DNAH6: variants seen among roughly 807,000 people sequenced by gnomAD.
The protein encoded by DNAH6 is dynein axonemal heavy chain 6.
In DNAH6, 340 loss-of-function variants were observed where a neutral mutation model predicts 491.4. That is an observed-to-expected ratio of 0.69 (90% CI 0.63 to 0.76). The LOEUF is 0.76. Ranked by LOEUF, DNAH6 falls within the 30% of genes least tolerant of loss-of-function variation. The pLI is 0.00. For missense variants in DNAH6, 4,443 were observed against 4,972.2 expected (o/e 0.89, Z 3.20); for synonymous variants, 1,603 against 1,686.1 (o/e 0.95, Z 1.21).
intron 42 of DNAH6, among the ~76,000 whole-genome samples, chr2:84,684,322 A>G (rs956868683): frequency 1.3e-5 from 2 of 152,108 alleles, no homozygotes; most frequent in African/African-American, 4.8e-5. Flanking sequence ...TTGCCTTTCT[A>G]TTCCTATTTT....
intron 12 of DNAH6, among the ~76,000 whole-genome samples, chr2:84,574,744 A>G (rs1682259202): frequency 1.3e-5 from 2 of 152,218 alleles, no homozygotes; most frequent in South Asian, 4.1e-4. Context: ...TCATGGCATC[A>G]CAGTGGCAGC....
At chr2:84,593,352 G>A (rs1684285364) in intron 16 of DNAH6, among the ~76,000 whole-genome samples, 1 of 152,148 alleles carries the variant, frequency 6.6e-6, no homozygotes, top group African/African-American at 2.4e-5. Context: ...TAATGTCAAA[G>A]CACAAGAATT....
In DNAH6 at chr2:84,707,603, G is replaced by A. The variant is rs752410510; in HGVS notation, c.8935G>A (p.Glu2979Lys). 8 of 1,552,214 alleles carry A rather than the reference G, an allele frequency of 5.2e-6. No individual in the cohort carries two copies. The South Asian group carries it at 5.9e-5, about 12-fold the overall frequency. The change falls in exon 54 of 77, where the codon GAA becomes AAA. Residue 2979 changes from glutamate (E) to lysine (K), a missense_variant. This residue lies in a region of DNAH6 where 1,463 missense variants were observed against 1,656.6 expected (regional missense o/e 0.88). Transcript: ENST00000389394. ...AALEDEQVRW[E>K]ESIQKFEEEI... ...ATTAGAAGATGAGCAGGTTCGATGG[G>A]AAGAAAGCATACAGAAGTTTGAGGA...
chr2:84,592,867 AT>A (rs1684241190), intron 16 of DNAH6, among the ~76,000 whole-genome samples: 1 of 152,170 alleles, frequency 6.6e-6, no homozygotes, highest in African/African-American at 2.4e-5. Flanking sequence ...TTTATATGAG[AT>A]ATCTAAAGTA....
At chr2:84,658,891 A>G in intron 36 of DNAH6, 135 bp from the exon 37 acceptor site, 2 of 521,268 alleles carry the variant, frequency 3.8e-6, no homozygotes, top group Non-Finnish European at 6.4e-6. Flanking sequence ...TGAGTGAAGT[A>G]TAAGAAATAT....
chr2:84,471,418 AATCCTAGGAG>A, the DNAH6 span, among the ~76,000 whole-genome samples: 1 of 152,038 alleles, frequency 6.6e-6, no homozygotes, highest in Non-Finnish European at 1.5e-5. Context: ...GAGGACCCTT[AATCCTAGGAG>A]TTGCAGAAGG....
At chr2:84,790,229 G>A (rs1413462199) in intron 68 of DNAH6, among the ~76,000 whole-genome samples, 1 of 152,028 alleles carries the variant, frequency 6.6e-6, no homozygotes, top group African/African-American at 2.4e-5. Flanking sequence ...GGATAAATTT[G>A]GACCCTTATA....
chr2:84,528,726 G>A (rs1676840852), intron 3 of DNAH6, among the ~76,000 whole-genome samples, 178 bp from the exon 4 acceptor site: 1 of 152,170 alleles, frequency 6.6e-6, no homozygotes, highest in Non-Finnish European at 1.5e-5. Context: ...AGGGAGTACT[G>A]AGAAGGAATA....
chr2:84,603,365 T>A (rs2104275204), intron 18 of DNAH6, among the ~76,000 whole-genome samples: 1 of 152,238 alleles, frequency 6.6e-6, no homozygotes, highest in Non-Finnish European at 1.5e-5. Context: ...TTTCTAGTGA[T>A]ACCTCGAATT....
At chr2:84,723,069 A>G (rs896440592) in intron 60 of DNAH6, among the ~76,000 whole-genome samples, 7 of 152,044 alleles carry the variant, frequency 4.6e-5, no homozygotes, top group Non-Finnish European at 8.8e-5. Context: ...CTCTACTAAA[A>G]ATACAAAAAT....
the DNAH6 span, among the ~76,000 whole-genome samples, chr2:84,487,229 G>A: frequency 1.3e-5 from 2 of 152,166 alleles, no homozygotes; most frequent in Non-Finnish European, 2.9e-5. Context: ...CTGCCAAGTG[G>A]CAACATTTAT....
intron 44 of DNAH6, among the ~76,000 whole-genome samples, chr2:84,687,009 C>T (rs1168420364): frequency 6.6e-6 from 1 of 152,202 alleles, no homozygotes; most frequent in Admixed American, 6.5e-5. Context: ...CTTTATTGTA[C>T]TCTACATAGT....
rs978548633 is a variant in DNAH6, at chr2:84,669,403, GA to G, written c.6202del (p.Met2068CysfsTer14). On this transcript the variant is annotated frameshift_variant, in exon 38 of 77. Transcript: ENST00000389394. LOFTEE classifies it high-confidence loss of function. ...FKYNRDVPFF[E>X]MLVPTTDTVR... ...ATACAACCGAGATGTTCCATTTTTT[GA>G]AATGCTTGTCCCCACAACTGACACA... The G allele has an allele frequency of 1.9e-6, 3 of 1,551,808 alleles. No individual in the cohort carries two copies. The African/African-American group carries it at 4.1e-5, about 21-fold the overall frequency.
intron 45 of DNAH6, among the ~76,000 whole-genome samples, chr2:84,693,237 A>G (rs1370238290): frequency 5.3e-5 from 8 of 151,792 alleles, no homozygotes; most frequent in African/African-American, 1.2e-4. Context: ...TAAGATTGCT[A>G]TCTTTTTTCT....
At chr2:84,585,433 G>A (rs899204876) in intron 15 of DNAH6, among the ~76,000 whole-genome samples, 1 of 152,144 alleles carries the variant, frequency 6.6e-6, no homozygotes, top group African/African-American at 2.4e-5. Flanking sequence ...AAGATGAAGA[G>A]GAGCTTTATT....
At chr2:84,514,867 TCACACACACACACACA>T (rs58335460), upstream of DNAH6, among the ~76,000 whole-genome samples, 2 of 139,006 alleles carry the variant, frequency 1.4e-5, no homozygotes, top group Non-Finnish European at 3.1e-5. Flanking sequence ...TTCACCACAG[TCACACACACACACACA>T]CACACACACA....
intron 72 of DNAH6, 93 bp from the exon 73 acceptor site, chr2:84,812,248 C>T: frequency 1.7e-6 from 2 of 1,201,226 alleles, no homozygotes; most frequent in Non-Finnish European, 2.3e-6. Context: ...CTGGCGCCTC[C>T]AGGCAAGGCA....
intron 9 of DNAH6, among the ~76,000 whole-genome samples, chr2:84,552,624 T>C (rs893625238): frequency 3.3e-5 from 5 of 152,218 alleles, no homozygotes; most frequent in African/African-American, 1.2e-4. Context: ...TATTCAAATA[T>C]TATCAACTTT....
At chr2:84,464,223 C>G in the DNAH6 span, among the ~76,000 whole-genome samples, 5 of 152,220 alleles carry the variant, frequency 3.3e-5, no homozygotes, top group African/African-American at 1.2e-4. Flanking sequence ...TGTCAGCTCT[C>G]TCTGGGCTCT....
Sources: allele counts gnomAD v4.1 joint callset (sites outside exome capture counted in the v4.1 genomes callset), GRCh38; gene constraint gnomAD v4.1.1; regional missense constraint gnomAD v4.1.1; transcripts MANE v1.5; gene names NCBI Gene and HGNC (gene_info 2026-07-23, HGNC 2026-07-21).